DSCAML1: variants seen among roughly 807,000 people sequenced by gnomAD.
DSCAML1 encodes the protein DS cell adhesion molecule like 1, also known as cell adhesion molecule DSCAML1.
In DSCAML1, 38 loss-of-function variants were observed where a neutral mutation model predicts 200.5. The observed-to-expected ratio is 0.19, with a 90% CI of 0.15 to 0.25. DSCAML1 has a LOEUF of 0.25. Among genes scored for constraint, DSCAML1 ranks in the 10% least tolerant of loss-of-function variants. The probability of loss-of-function intolerance (pLI) is 1.00; values close to 1 mark genes in which losing one functional copy is unlikely to be tolerated. For synonymous variants in DSCAML1, 1,215 were observed against 1,165.0 expected (o/e 1.04, Z -0.87); for missense variants, 2,223 against 2,858.8 (o/e 0.78, Z 5.07).
intron 20 of DSCAML1, among the ~76,000 whole-genome samples, chr11:117,447,764 G>GGT (rs2048209776): frequency 6.6e-6 from 1 of 152,186 alleles, no homozygotes; most frequent in Non-Finnish European, 1.5e-5. Flanking sequence ...CACAGTCTCA[G>GGT]GTATCTGCCT....
At chr11:117,742,743 G>A (rs539952119) in intron 3 of DSCAML1, among the ~76,000 whole-genome samples, 1 of 152,322 alleles carries the variant, frequency 6.6e-6, no homozygotes, top group Non-Finnish European at 1.5e-5. Context: ...ATCCTATTCT[G>A]TCTTCAGAGA....
intron 3 of DSCAML1, among the ~76,000 whole-genome samples, chr11:117,678,775 A>G (rs2053261954): frequency 6.6e-6 from 1 of 152,264 alleles, no homozygotes. Flanking sequence ...GAGAAGTGGC[A>G]GGAGATGAGG....
Position 117,797,188 on chromosome 11 carries a change from C to T in DSCAML1, c.-109G>A, listed in dbSNP as rs2055599803. The T allele has an allele frequency of 6.4e-7, 1 of 1,553,614 alleles. No homozygotes were observed. The highest frequency in any genetic ancestry group is 8.7e-7 in the Non-Finnish European group (1 of 1,151,736). Reference sequence around the variant, plus strand: ...AGCCGCCCGCACTCGGCGCCCCGCTCTCTCTGCTCCTCAGCCCAGCGCTCG... The same window carrying T: ...AGCCGCCCGCACTCGGCGCCCCGCTTTCTCTGCTCCTCAGCCCAGCGCTCG... On this transcript the variant is annotated 5_prime_UTR_variant, in exon 1 of 33. Coordinates refer to ENST00000651296, the MANE Select transcript of DSCAML1 (RefSeq NM_020693.4).
At position 117,635,447 on chromosome 11, in the gene DSCAML1, GGTGTGTGT is replaced by G. The variant is rs201976004; in HGVS notation, c.512-102933_512-102926del. On this transcript the variant is annotated intron_variant, in intron 3 of 32. Transcript: ENST00000651296. ...AAGTGCAGAACGTCCTAGTGTGTGT[GGTGTGTGT>G]GTGTGTGTGTGTGTGTGTGCGTGTG... Among the ~76,000 whole-genome samples the G allele has an allele frequency of 5.5e-5, 8 of 146,740 alleles. No individual in the cohort carries two copies. The South Asian group carries it at 1.1e-3, about 20-fold the overall frequency.
chr11:117,754,309 C>T (rs1242244010), intron 3 of DSCAML1, among the ~76,000 whole-genome samples: 1 of 152,210 alleles, frequency 6.6e-6, no homozygotes, highest in Non-Finnish European at 1.5e-5. Flanking sequence ...ATTCAACTCA[C>T]TGCTGTCACT....
intron 26 of DSCAML1, among the ~76,000 whole-genome samples, chr11:117,436,514 ATG>A (rs34000595): frequency 2.7e-5 from 4 of 149,318 alleles, no homozygotes; most frequent in South Asian, 2.1e-4. Flanking sequence ...CCTTCAATGG[ATG>A]TGTGTGTGTG....
intron 27 of DSCAML1, among the ~76,000 whole-genome samples, chr11:117,434,396 T>C (rs1232755678): frequency 6.6e-6 from 1 of 152,164 alleles, no homozygotes; most frequent in Non-Finnish European, 1.5e-5. Flanking sequence ...TATTTATATG[T>C]TAAACCTTAC....
intron 4 of DSCAML1, among the ~76,000 whole-genome samples, chr11:117,529,836 C>A (rs1432254784): frequency 2.6e-5 from 4 of 152,006 alleles, no homozygotes; most frequent in Non-Finnish European, 5.9e-5. Flanking sequence ...GGCGGGTGAG[C>A]CTGAGACGGG....
In DSCAML1 at chr11:117,780,268, G is replaced by GAA. The variant is rs1491449552; in HGVS notation, c.364+223_364+224dup. On this transcript the variant is annotated intron_variant, in intron 2 of 32. Transcript: ENST00000651296. The surrounding 1 kb of genome is among the most constrained non-coding windows in gnomAD (Gnocchi z 4.8). ...AGAAAGAAAGAAAGAAAGAAAGAAA[G>GAA]AAAGAAAGAAAGAAAGAAAGAAAGA... 4.3e-5 allele frequency among the ~76,000 whole-genome samples: 4 copies of GAA among 93,248 alleles called. No homozygotes were observed. The highest frequency in any genetic ancestry group is 1.1e-4 in the Admixed American group (1 of 9,490). The allele number at this position is 93,248 out of a possible 152,430, so 61.2% of individuals were successfully genotyped here. A position where few individuals can be genotyped will look rare whatever the true frequency, so the allele number is the denominator to read the frequency against.
At chr11:117,597,466 C>T (rs1469488964) in intron 3 of DSCAML1, among the ~76,000 whole-genome samples, 2 of 152,140 alleles carry the variant, frequency 1.3e-5, no homozygotes, top group African/African-American at 2.4e-5. Context: ...TTGTCTTTTT[C>T]GAGACGGAGT....
rs552329555 is a variant in DSCAML1, at chr11:117,528,939, C to T, written c.658+3437G>A. 9.9e-5 allele frequency among the ~76,000 whole-genome samples: 15 copies of T among 151,500 alleles called. No homozygotes were observed. The East Asian group carries it at 1.2e-3, about 12-fold the overall frequency. ...TGAAAGTTGCCGCCCCCCGCCCCCCCCCTTGGGAATGTAGTAGGAATAACA... is the reference window on the plus strand; with the variant it reads ...TGAAAGTTGCCGCCCCCCGCCCCCCTCCTTGGGAATGTAGTAGGAATAACA... On this transcript the variant is annotated intron_variant, in intron 4 of 32. Coordinates refer to ENST00000651296, the MANE Select transcript of DSCAML1 (RefSeq NM_020693.4).
At chr11:117,801,609 T>C (rs979924577), upstream of DSCAML1, 3 of 152,396 alleles carry the variant, frequency 2.0e-5, no homozygotes, top group African/African-American at 7.2e-5. Context: ...TGTGTCATTA[T>C]ACTACCCAGG....
At chr11:117,572,569 GCT>G (rs1330462067) in intron 3 of DSCAML1, among the ~76,000 whole-genome samples, 3 of 152,176 alleles carry the variant, frequency 2.0e-5, no homozygotes, top group African/African-American at 7.2e-5. Context: ...GGTCACACCA[GCT>G]CTGTTTGTAA....
Position 117,503,926 on chromosome 11 carries a change from C to T in DSCAML1, c.2278G>A (p.Glu760Lys), listed in dbSNP as rs2049444322. ...SSLLIRHVLE[E>K]DIGYYLCQAS... ...TGGCAGAGGTAGTAGCCGATGTCCT[C>T]TTCTAGGACGTGGCGGATCAGCAGC... The change falls in exon 11 of 33, where the codon GAG becomes AAG. Residue 760 changes from glutamate to lysine, a missense_variant. By Grantham distance (56) the Glu-to-Lys change is moderately conservative (BLOSUM62 1). Around this residue, in one of 7 missense-constraint regions of DSCAML1, gnomAD observed 212 missense variants for 368.0 expected, o/e 0.58. Coordinates refer to ENST00000651296, the MANE Select transcript of DSCAML1 (RefSeq NM_020693.4). This position sits in a 1 kb window ranked among gnomAD's most constrained non-coding sequence, Gnocchi z 5.2. 6.2e-7 allele frequency: 1 copy of T among 1,614,052 alleles called. No homozygotes were observed. Among genetic ancestry groups the T allele is most frequent in the Non-Finnish European group, 8.5e-7 (1 of 1,180,044 alleles).
intron 6 of DSCAML1, among the ~76,000 whole-genome samples, chr11:117,519,986 G>T (rs1285974693): frequency 6.6e-6 from 1 of 152,236 alleles, no homozygotes; most frequent in Admixed American, 6.5e-5. Context: ...GCTTGCTTGG[G>T]TTTGGCTGGT....
At chr11:117,755,495 G>T (rs965791165) in intron 3 of DSCAML1, among the ~76,000 whole-genome samples, 1 of 152,070 alleles carries the variant, frequency 6.6e-6, no homozygotes, top group Non-Finnish European at 1.5e-5. Flanking sequence ...ATCCATCCCT[G>T]CCCCCCGTCT....
chr11:117,532,490 G>A lies in DSCAML1; in HGVS notation c.544C>T (p.Leu182=). The A allele has an allele frequency of 6.2e-7, 1 of 1,614,010 alleles. No homozygotes were observed. The highest frequency in any genetic ancestry group is 1.1e-5 in the South Asian group (1 of 91,044). Residue 182 remains leucine (L), a synonymous_variant, in exon 4 of 33, where the codon CTG becomes TTG. Coordinates refer to ENST00000651296, the MANE Select transcript of DSCAML1 (RefSeq NM_020693.4). ...HRFFITYHGG[L]YISDVQKEDA... ...TCCTTCTGTACGTCAGAGATGTACA[G>A]CCCGCCGTGGTAGGTAATAAAAAAC...
Position 117,439,727 on chromosome 11 carries a change from C to T in DSCAML1, c.3980+92G>A, listed in dbSNP as rs546069638. 13 of 1,257,902 alleles carry T rather than the reference C, an allele frequency of 1.0e-5. No individual in the cohort carries two copies. The South Asian group carries it at 1.6e-4, about 15-fold the overall frequency. 77.9% of individuals were successfully genotyped at this position (1,257,902 alleles called of 1,614,324 possible). ...GCAGGCCTGGAGGCAACCGGGTCAC[C>T]AGGCAGGAGGGCCCCAGACTCTTCT... On this transcript the variant is annotated intron_variant, in intron 22 of 32. Transcript: ENST00000651296.
intron 3 of DSCAML1, among the ~76,000 whole-genome samples, chr11:117,768,112 T>C (rs1172661858): frequency 5.3e-5 from 8 of 152,100 alleles, no homozygotes; most frequent in African/African-American, 1.7e-4. Flanking sequence ...TGAGAGACAA[T>C]AGTTATTATT....
Sources: gnomAD v4.1 joint callset for allele counts (sites outside exome capture counted in the v4.1 genomes callset) on GRCh38, gnomAD v4.1.1 for gene constraint, gnomAD v4.1.1 regional missense constraint, Gnocchi (gnomAD v3.1) non-coding constraint, MANE v1.5 for transcripts, NCBI Gene and HGNC (gene_info 2026-07-23, HGNC 2026-07-21) for gene names.